NKAIN2: variants seen among roughly 807,000 people sequenced by gnomAD.
NKAIN2 encodes the protein sodium/potassium transporting ATPase interacting 2.
A neutral mutation model predicts 32.6 loss-of-function variants in NKAIN2; 14 were observed. That is an observed-to-expected ratio of 0.43 (90% confidence interval 0.28 to 0.67). The LOEUF (loss-of-function observed/expected upper bound fraction) is 0.67. Among genes scored for constraint, NKAIN2 ranks in the 30% least tolerant of loss-of-function variants. The pLI, the probability that NKAIN2 is intolerant of heterozygous loss-of-function variation, is 0.17. For missense variants in NKAIN2, 198 were observed against 258.3 expected (o/e 0.77, Z 1.60); for synonymous variants, 80 against 87.2 (o/e 0.92, Z 0.46).
chr6:124,822,335 G>T (rs950047357), intron 6 of NKAIN2, among the ~76,000 whole-genome samples: 1 of 152,144 alleles, frequency 6.6e-6, no homozygotes. Context: ...AATATGTCTT[G>T]TAAAGTAAGA....
intron 1 of NKAIN2, among the ~76,000 whole-genome samples, chr6:124,248,417 A>G (rs1793528689): frequency 6.6e-6 from 1 of 151,956 alleles, no homozygotes. Flanking sequence ...CCCCCCACCG[A>G]ACCTTTTCCC....
intron 2 of NKAIN2, among the ~76,000 whole-genome samples, chr6:124,296,665 A>C (rs1037719224): frequency 3.3e-5 from 5 of 152,200 alleles, no homozygotes; most frequent in African/African-American, 1.2e-4. Context: ...ACCACATCAA[A>C]ATTCCTATTA....
chr6:124,683,345 G>A (rs1583638977), intron 4 of NKAIN2, among the ~76,000 whole-genome samples: 2 of 152,234 alleles, frequency 1.3e-5, no homozygotes, highest in East Asian at 3.9e-4. Context: ...TCTCTATATT[G>A]CTATGTGTTG....
At chr6:124,614,690 C>T (rs976366431) in intron 3 of NKAIN2, among the ~76,000 whole-genome samples, 7 of 97,356 alleles carry the variant, frequency 7.2e-5, no homozygotes, top group African/African-American at 2.8e-4. Context: ...GTCCCAAAGA[C>T]CCCCCCAATT....
intron 3 of NKAIN2, among the ~76,000 whole-genome samples, chr6:124,588,032 T>C (rs529095530): frequency 6.6e-6 from 1 of 152,292 alleles, no homozygotes; most frequent in South Asian, 2.1e-4. Context: ...ATGAGCATGT[T>C]CCACTGCTTA....
rs1052840073 is a variant in NKAIN2, at chr6:124,792,473, G to A, written c.535+1074G>A. Among the ~76,000 whole-genome samples the A allele has an allele frequency of 3.3e-5, 5 of 152,120 alleles. No homozygotes were observed. In the South Asian group the frequency reaches 1.0e-3, roughly 32 times the overall value. On this transcript the variant is annotated intron_variant, in intron 5 of 6. Coordinates refer to ENST00000368417, the MANE Select transcript of NKAIN2 (RefSeq NM_001040214.3). ...TGGTCCTTTCACTAAATAAGCATTT[G>A]TAAAATATTCCTCAGTATTTCAAGT...
At chr6:123,820,079 C>T (rs1304641678) in intron 1 of NKAIN2, among the ~76,000 whole-genome samples, 1 of 152,154 alleles carries the variant, frequency 6.6e-6, no homozygotes, top group East Asian at 1.9e-4. Flanking sequence ...TTATCATCAG[C>T]GTCCTTGTAA....
chr6:124,570,634 G>A (rs529800315), intron 3 of NKAIN2, among the ~76,000 whole-genome samples: 8 of 152,308 alleles, frequency 5.3e-5, no homozygotes, highest in South Asian at 2.1e-4. Flanking sequence ...GAGAACCTTC[G>A]CCTAGATTTC....
At chr6:124,034,038 C>G (rs947703724) in intron 1 of NKAIN2, among the ~76,000 whole-genome samples, 24 of 152,062 alleles carry the variant, frequency 1.6e-4, no homozygotes, top group African/African-American at 5.3e-4. Flanking sequence ...TATTACTGAG[C>G]CTGTATCATA....
chr6:124,035,824 G>C (rs776445120), intron 1 of NKAIN2, among the ~76,000 whole-genome samples: 14 of 152,196 alleles, frequency 9.2e-5, no homozygotes, highest in South Asian at 4.1e-4. Context: ...CACTGTCACT[G>C]TACCTTAGTA....
At chr6:124,195,152 C>T (rs1330472688) in intron 1 of NKAIN2, among the ~76,000 whole-genome samples, 1 of 151,442 alleles carries the variant, frequency 6.6e-6, no homozygotes, top group Non-Finnish European at 1.5e-5. Context: ...CTTTGAATAG[C>T]CTTTTTTATT....
intron 3 of NKAIN2, among the ~76,000 whole-genome samples, chr6:124,357,238 A>G (rs1452252728): frequency 1.3e-5 from 2 of 150,938 alleles, no homozygotes; most frequent in Non-Finnish European, 3.0e-5. Context: ...CAAATAACCT[A>G]AAAAAAAACC....
intron 1 of NKAIN2, among the ~76,000 whole-genome samples, chr6:124,050,457 C>T (rs1353277912): frequency 6.6e-6 from 1 of 151,970 alleles, no homozygotes; most frequent in African/African-American, 2.4e-5. Context: ...ATTGCTCCTC[C>T]CAAGTCTTAA....
At chr6:124,392,086 C>T (rs1028983284) in intron 3 of NKAIN2, among the ~76,000 whole-genome samples, 18 of 152,166 alleles carry the variant, frequency 1.2e-4, no homozygotes, top group African/African-American at 2.2e-4. Flanking sequence ...TGATATTTTT[C>T]GTTCCTTTTC....
chr6:124,807,458 C>A (rs1400990949), intron 5 of NKAIN2, among the ~76,000 whole-genome samples: 1 of 151,396 alleles, frequency 6.6e-6, no homozygotes, highest in Non-Finnish European at 1.5e-5. Flanking sequence ...AAAGACACAA[C>A]ATACAAGAAT....
At chr6:124,771,298 A>G (rs896939959) in intron 4 of NKAIN2, among the ~76,000 whole-genome samples, 3 of 152,230 alleles carry the variant, frequency 2.0e-5, no homozygotes, top group African/African-American at 7.2e-5. Flanking sequence ...AACATTTTGC[A>G]TAATATATGA....
At chr6:124,018,465 A>T (rs1780696522) in intron 1 of NKAIN2, among the ~76,000 whole-genome samples, 1 of 152,108 alleles carries the variant, frequency 6.6e-6, no homozygotes, top group Non-Finnish European at 1.5e-5. Context: ...CAGGCTGTAA[A>T]CTTTTCAAAC....
chr6:124,732,517 C>T (rs1166963939), intron 4 of NKAIN2, among the ~76,000 whole-genome samples: 1 of 151,980 alleles, frequency 6.6e-6, no homozygotes, highest in Non-Finnish European at 1.5e-5. Flanking sequence ...TTTACAAGAA[C>T]CTAGCTAGGT....
intron 3 of NKAIN2, among the ~76,000 whole-genome samples, chr6:124,579,335 G>A (rs369535439): frequency 4.6e-5 from 7 of 152,286 alleles, no homozygotes; most frequent in Admixed American, 3.9e-4. Flanking sequence ...CTGTTTTGAG[G>A]AAACTCAGTG....
Sources: allele counts gnomAD v4.1 joint callset (sites outside exome capture counted in the v4.1 genomes callset), GRCh38; gene constraint gnomAD v4.1.1; transcripts MANE v1.5; gene names NCBI Gene and HGNC (gene_info 2026-07-23, HGNC 2026-07-21).